The following MORC3 variants were observed in gnomAD, a reference collection of about 807,000 sequenced individuals.
MORC3 encodes the protein MORC family CW-type zinc finger protein 3.
A neutral mutation model predicts 109.1 loss-of-function variants in MORC3; 31 were observed. The ratio of observed to expected loss-of-function variants is 0.28; its 90% CI spans 0.21 to 0.38. MORC3 has a LOEUF of 0.38. Ranked by LOEUF, MORC3 falls within the 10% of genes least tolerant of loss-of-function variation. The pLI, the probability that MORC3 is intolerant of heterozygous loss-of-function variation, is 1.00. For missense variants in MORC3, 867 were observed against 1,135.8 expected (o/e 0.76, Z 3.40); for synonymous variants, 395 against 380.7 (o/e 1.04, Z -0.44).
intron 1 of MORC3, among the ~76,000 whole-genome samples, chr21:36,323,970 GGT>G (rs2085220871): frequency 6.6e-6 from 1 of 151,736 alleles, no homozygotes. Context: ...CTGCCTCCCG[GGT>G]TCAAGCGATT....
chr21:36,358,443 G>A (rs947772905), intron 10 of MORC3, among the ~76,000 whole-genome samples: 1 of 151,796 alleles, frequency 6.6e-6, no homozygotes, highest in Non-Finnish European at 1.5e-5. Context: ...ACATTAAGGT[G>A]AAGTTTTCAT....
chr21:36,358,481 T>A (rs551339285), intron 10 of MORC3, among the ~76,000 whole-genome samples: 1 of 152,204 alleles, frequency 6.6e-6, no homozygotes, highest in South Asian at 2.1e-4. Context: ...ATAGGCTGTA[T>A]CCAGTGGGTC....
chr21:36,348,385 A>T (rs1486778973), intron 8 of MORC3: 1 of 152,228 alleles, frequency 6.6e-6, no homozygotes, highest in East Asian at 1.9e-4. Context: ...GTATCCTAGT[A>T]GAGGTAGTCC....
Position 36,352,508 on chromosome 21 carries a change from G to A in MORC3, c.1103+3100G>A, listed in dbSNP as rs915144356. The stretch of plus-strand genomic sequence containing the variant: ...TTTGGTTTGGATTTTTTTGTATTTT[G>A]GAATGTTTGCATTATGCCTACTGGT... On this transcript the variant is annotated intron_variant, in intron 9 of 16. Transcript: ENST00000400485. Among the ~76,000 whole-genome samples the A allele has an allele frequency of 7.9e-5, 12 of 152,130 alleles. No individual in the cohort carries two copies. In the East Asian group the frequency reaches 1.4e-3, roughly 17 times the overall value.
chr21:36,359,556 C>CTTTTTTTTTTTTTTT (rs5843757), intron 10 of MORC3, among the ~76,000 whole-genome samples: 1 of 93,952 alleles, frequency 1.1e-5, no homozygotes, highest in Non-Finnish European at 1.9e-5. Context: ...CTTTCCTCTC[C>CTTTTTTTTTTTTTTT]TTTTTTTTTT....
chr21:36,372,047 A>G (rs2085875400), intron 15 of MORC3, among the ~76,000 whole-genome samples: 1 of 152,094 alleles, frequency 6.6e-6, no homozygotes, highest in South Asian at 2.1e-4. Context: ...TCCTGATCTC[A>G]GGTGATCTGC....
At chr21:36,373,006 T>C (rs1442808772) in intron 16 of MORC3, among the ~76,000 whole-genome samples, 2 of 152,106 alleles carry the variant, frequency 1.3e-5, no homozygotes, top group Admixed American at 1.3e-4. Context: ...TTATTAAAAA[T>C]TGCCATAGTA....
intron 1 of MORC3, among the ~76,000 whole-genome samples, chr21:36,330,111 C>T (rs2085298021): frequency 6.6e-6 from 1 of 152,124 alleles, no homozygotes; most frequent in African/African-American, 2.4e-5. Flanking sequence ...ATCCACCAGC[C>T]TTGGCCTCCC....
chr21:36,341,250 T>C, intron 5 of MORC3, 149 bp from the exon 6 acceptor site: 2 of 658,940 alleles, frequency 3.0e-6, no homozygotes, highest in Admixed American at 6.8e-5. Context: ...TTCTTTCTTT[T>C]TCTCTTGCCT....
In MORC3 at chr21:36,336,976, T is replaced by C. The variant is rs765830959; in HGVS notation, c.215T>C (p.Met72Thr). 5 of 1,612,346 alleles carry C rather than the reference T, an allele frequency of 3.1e-6. No homozygotes were observed. The change falls in exon 3 of 17, where the codon ATG becomes ACG. Residue 72 changes from methionine to threonine, a missense_variant. By Grantham distance (81) the Met-to-Thr change is moderately conservative (BLOSUM62 -1). Coordinates refer to ENST00000400485, the MANE Select transcript of MORC3 (RefSeq NM_015358.3). ...CLTFTDNGNG[M>T]TSDKLHKMLS... ...ACATTCACCGACAATGGGAATGGTA[T>C]GACTTCTGATAAATTACATAAAATG...
chr21:36,338,946 C>G, intron 5 of MORC3, 25 bp downstream of exon 5: 1 of 1,609,730 alleles, frequency 6.2e-7, no homozygotes, highest in East Asian at 2.2e-5. Flanking sequence ...AGATGTTGAC[C>G]GTTTGGGAAG....
At chr21:36,320,708 C>T (rs933762855) in intron 1 of MORC3, 2 of 183,002 alleles carry the variant, frequency 1.1e-5, no homozygotes, top group East Asian at 1.4e-4. Flanking sequence ...GAAACGCCGG[C>T]GGCCTCGACG....
chr21:36,338,659 A>C lies in MORC3; in HGVS notation c.461-115A>C, dbSNP rs988198978. ...GAGACCCTATCTCACAAAAAAAAAA[A>C]CCTTAGAAAATTATTTATAAATAGT... On this transcript the variant is annotated intron_variant, in intron 4 of 16. Coordinates refer to ENST00000400485, the MANE Select transcript of MORC3 (RefSeq NM_015358.3). 4.4e-5 allele frequency: 47 copies of C among 1,065,694 alleles called. No homozygotes were observed. The African/African-American group carries it at 5.3e-4, about 12-fold the overall frequency. 66.0% of individuals were successfully genotyped at this position (1,065,694 alleles called of 1,614,324 possible).
chr21:36,373,453 G>A (rs551857824), intron 16 of MORC3, among the ~76,000 whole-genome samples: 23 of 151,794 alleles, frequency 1.5e-4, no homozygotes, highest in South Asian at 6.2e-4. Flanking sequence ...GTGAAACCCC[G>A]TCTCTACTAA....
At chr21:36,371,681 A>G (rs926293325) in intron 15 of MORC3, among the ~76,000 whole-genome samples, 1 of 152,224 alleles carries the variant, frequency 6.6e-6, no homozygotes, top group African/African-American at 2.4e-5. Context: ...GTCAGGGACC[A>G]TCTGTTTATA....
At chr21:36,354,316 TTTCTTTC>T (rs1268342507) in intron 9 of MORC3, among the ~76,000 whole-genome samples, 1,128 of 107,596 alleles carry the variant, frequency 0.01, 13 homozygotes, top group African/African-American at 0.034. Flanking sequence ...TCTTTCTTTC[TTTCTTTC>T]TTTTTTTTTT....
chr21:36,374,259 T>G (rs1030967672), intron 16 of MORC3, among the ~76,000 whole-genome samples: 4 of 151,996 alleles, frequency 2.6e-5, no homozygotes, highest in Non-Finnish European at 5.9e-5. Flanking sequence ...CCAGCTACAT[T>G]TTGTATTTTT....
intron 9 of MORC3, among the ~76,000 whole-genome samples, chr21:36,354,119 T>C (rs1428645273): frequency 6.6e-6 from 1 of 151,734 alleles, no homozygotes; most frequent in Non-Finnish European, 1.5e-5. Flanking sequence ...AGAGAAAATA[T>C]ATGTACTGTT....
chr21:36,355,180 A>C (rs1270486434), intron 9 of MORC3, among the ~76,000 whole-genome samples: 1 of 152,192 alleles, frequency 6.6e-6, no homozygotes, highest in African/African-American at 2.4e-5. Context: ...TGAGCCTTAA[A>C]GGTCTTATGA....
Sources: gnomAD v4.1 joint callset for allele counts (sites outside exome capture counted in the v4.1 genomes callset) on GRCh38, gnomAD v4.1.1 for gene constraint, MANE v1.5 for transcripts, NCBI Gene and HGNC (gene_info 2026-07-23, HGNC 2026-07-21) for gene names.